LOC128125817: variants seen among roughly 807,000 people sequenced by gnomAD.
At chr1:41,596,644 C>T in the LOC128125817 span, among the ~76,000 whole-genome samples, 4 of 152,208 alleles carry the variant, frequency 2.6e-5, no homozygotes, top group Non-Finnish European at 4.4e-5. Flanking sequence ...GACCACCTAC[C>T]ATGCCCAAAC....
the LOC128125817 span, among the ~76,000 whole-genome samples, chr1:41,624,431 G>A: frequency 2.0e-5 from 3 of 152,216 alleles, no homozygotes; most frequent in Admixed American, 6.5e-5. Flanking sequence ...GCCAACAAGT[G>A]CTGCCGGTTT....
the LOC128125817 span, among the ~76,000 whole-genome samples, chr1:41,603,333 G>A: frequency 3.9e-5 from 6 of 152,024 alleles, no homozygotes; most frequent in African/African-American, 7.2e-5. Flanking sequence ...CTCCCAAAGC[G>A]CTGGGATTAC....
At chr1:41,586,823 T>C in the LOC128125817 span, among the ~76,000 whole-genome samples, 1 of 152,142 alleles carries the variant, frequency 6.6e-6, no homozygotes, top group Non-Finnish European at 1.5e-5. Flanking sequence ...TACTTGGTGC[T>C]ACAAAGAATT....
chr1:41,594,504 G>A, the LOC128125817 span, among the ~76,000 whole-genome samples: 3 of 152,206 alleles, frequency 2.0e-5, no homozygotes, highest in African/African-American at 7.2e-5. Flanking sequence ...TTACAGGTGT[G>A]AGCCACCCCG....
the LOC128125817 span, among the ~76,000 whole-genome samples, chr1:41,626,473 GACAA>G: frequency 6.6e-6 from 1 of 152,166 alleles, no homozygotes; most frequent in Admixed American, 6.5e-5. Flanking sequence ...AGCCCACACG[GACAA>G]ACAAAGAGTC....
At chr1:41,620,545 C>T in the LOC128125817 span, among the ~76,000 whole-genome samples, 1 of 152,080 alleles carries the variant, frequency 6.6e-6, no homozygotes, top group African/African-American at 2.4e-5. Flanking sequence ...GTCTCTAATC[C>T]CCTGCTTTTC....
the LOC128125817 span, among the ~76,000 whole-genome samples, chr1:41,600,854 A>T: frequency 2.6e-5 from 4 of 152,138 alleles, no homozygotes; most frequent in African/African-American, 9.7e-5. Flanking sequence ...TAGGAGTTTT[A>T]CAGTCTTAGG....
the LOC128125817 span, among the ~76,000 whole-genome samples, chr1:41,599,262 AT>A: frequency 3.3e-5 from 5 of 152,250 alleles, no homozygotes; most frequent in Non-Finnish European, 5.9e-5. Flanking sequence ...CGAATGTGAA[AT>A]GAATAAATGA....
the LOC128125817 span, among the ~76,000 whole-genome samples, chr1:41,615,983 CTAAGA>C: frequency 6.6e-6 from 1 of 152,006 alleles, no homozygotes; most frequent in Non-Finnish European, 1.5e-5. Flanking sequence ...TTTCTCTCTG[CTAAGA>C]TGACACTCTC....
chr1:41,606,565 A>T, the LOC128125817 span, among the ~76,000 whole-genome samples: 3 of 151,978 alleles, frequency 2.0e-5, no homozygotes, highest in African/African-American at 4.9e-5. Context: ...AAACTTGGTC[A>T]CAAGAAGAAA....
chr1:41,591,099 A>T, the LOC128125817 span, among the ~76,000 whole-genome samples: 5 of 152,222 alleles, frequency 3.3e-5, no homozygotes, highest in Admixed American at 3.3e-4. Context: ...TGGAGAAAGC[A>T]TTTCTGTGGA....
the LOC128125817 span, among the ~76,000 whole-genome samples, chr1:41,624,125 A>T: frequency 6.6e-6 from 1 of 151,652 alleles, no homozygotes; most frequent in Non-Finnish European, 1.5e-5. Flanking sequence ...TACTGACTGC[A>T]CTCTCCACAG....
chr1:41,620,768 A>G, the LOC128125817 span, among the ~76,000 whole-genome samples: 1 of 152,116 alleles, frequency 6.6e-6, no homozygotes, highest in Non-Finnish European at 1.5e-5. Flanking sequence ...TTGTCCTCAT[A>G]GCACCCATTC....
At chr1:41,619,042 T>C in the LOC128125817 span, among the ~76,000 whole-genome samples, 1 of 138,214 alleles carries the variant, frequency 7.2e-6, no homozygotes, top group Non-Finnish European at 1.5e-5. Flanking sequence ...CTCCACAGCC[T>C]CCTTCGGCAG....
the LOC128125817 span, among the ~76,000 whole-genome samples, chr1:41,588,295 G>C: frequency 6.6e-6 from 1 of 152,204 alleles, no homozygotes; most frequent in South Asian, 2.1e-4. Context: ...GGATCTGAGA[G>C]CAGCCCCAAA....
At chr1:41,593,480 T>C in the LOC128125817 span, among the ~76,000 whole-genome samples, 1 of 152,238 alleles carries the variant, frequency 6.6e-6, no homozygotes, top group African/African-American at 2.4e-5. Context: ...AAATGCTACA[T>C]AGAATATCTT....
the LOC128125817 span, among the ~76,000 whole-genome samples, chr1:41,596,155 G>A: frequency 1.3e-5 from 2 of 152,094 alleles, no homozygotes; most frequent in Admixed American, 6.5e-5. Context: ...CCAGAATGAC[G>A]AGATAAAGTC....
At chr1:41,590,565 A>G in the LOC128125817 span, among the ~76,000 whole-genome samples, 1 of 152,234 alleles carries the variant, frequency 6.6e-6, no homozygotes, top group Non-Finnish European at 1.5e-5. Flanking sequence ...AGACAAGAAG[A>G]CAGTGTGAAG....
chr1:41,611,080 C>T, the LOC128125817 span, among the ~76,000 whole-genome samples: 1 of 152,182 alleles, frequency 6.6e-6, no homozygotes, highest in Admixed American at 6.5e-5. Context: ...GGTGTGGGGG[C>T]AGAAGGGTGA....
Sources: gnomAD v4.1 joint callset for allele counts (sites outside exome capture counted in the v4.1 genomes callset) on GRCh38, gnomAD v4.1.1 for gene constraint, MANE v1.5 for transcripts.